Variants in CFAP184 observed in about 807,000 individuals in gnomAD.
CFAP184 encodes the protein cilia and flagella associated protein 184.
the CFAP184 span, chr4:7,042,038 C>A: frequency 2.4e-5 from 38 of 1,611,456 alleles, no homozygotes; most frequent in Non-Finnish European, 3.1e-5. Context: ...CACTGCAGGT[C>A]GTCTGCCTGC....
At chr4:7,041,477 G>GC in the CFAP184 span, 3 of 1,614,210 alleles carry the variant, frequency 1.9e-6, no homozygotes, top group Non-Finnish European at 2.5e-6. Flanking sequence ...TCCGTCCGCA[G>GC]CCCCTCTCGG....
chr4:7,041,888 G>T, the CFAP184 span: 1 of 1,610,982 alleles, frequency 6.2e-7, no homozygotes, highest in Non-Finnish European at 8.5e-7. Flanking sequence ...GCAGCCTGGC[G>T]CCCGCCCCTC....
At chr4:7,042,818 C>T in the CFAP184 span, 5 of 1,567,458 alleles carry the variant, frequency 3.2e-6, no homozygotes, top group South Asian at 2.3e-5. Flanking sequence ...TCCAGCTCCC[C>T]GGGTTCGGGA....
chr4:7,042,678 C>G, the CFAP184 span: 1 of 1,508,258 alleles, frequency 6.6e-7, no homozygotes, highest in Non-Finnish European at 8.8e-7. Flanking sequence ...CCGGCCTCCC[C>G]GGCTCTCCAG....
chr4:7,042,644 C>T, the CFAP184 span: 5 of 1,492,588 alleles, frequency 3.3e-6, no homozygotes, highest in South Asian at 3.9e-5. Context: ...TCGGCCGGCT[C>T]TTCGGGCTCG....
the CFAP184 span, chr4:7,042,122 C>A: frequency 1.2e-6 from 2 of 1,606,654 alleles, no homozygotes; most frequent in East Asian, 2.2e-5. Context: ...TCGGCCTCTG[C>A]GCCCCGGTCA....
the CFAP184 span, chr4:7,042,964 G>C: frequency 1.4e-6 from 2 of 1,401,066 alleles, no homozygotes; most frequent in East Asian, 2.7e-5. Context: ...CCAGCGCAGC[G>C]GACCCCGGCA....
At chr4:7,042,218 G>T in the CFAP184 span, 1,002 of 1,597,364 alleles carry the variant, frequency 6.3e-4, 17 homozygotes, top group Admixed American at 0.016. Flanking sequence ...CGCTGGGAGC[G>T]GTTCCGCTCC....
the CFAP184 span, chr4:7,041,448 C>T: frequency 1.2e-6 from 2 of 1,614,244 alleles, no homozygotes; most frequent in Non-Finnish European, 1.7e-6. Context: ...GGCCGCACTT[C>T]TGATTCAGTC....
At chr4:7,042,533 TC>T in the CFAP184 span, 4 of 1,597,948 alleles carry the variant, frequency 2.5e-6, no homozygotes, top group Non-Finnish European at 3.4e-6. Flanking sequence ...CTGACTTCCT[TC>T]CCCTCTGCCG....
At chr4:7,042,706 G>C in the CFAP184 span, 2 of 1,512,160 alleles carry the variant, frequency 1.3e-6, no homozygotes, top group Non-Finnish European at 1.8e-6. Flanking sequence ...CTCGCCCGCA[G>C]CCTCGGCTGC....
chr4:7,042,464 C>T, the CFAP184 span: 2 of 1,611,002 alleles, frequency 1.2e-6, no homozygotes, highest in Non-Finnish European at 1.7e-6. Context: ...GTCTCGGCCT[C>T]CGGGGCTGCA....
the CFAP184 span, chr4:7,041,307 C>T: frequency 1.9e-6 from 3 of 1,608,802 alleles, no homozygotes; most frequent in South Asian, 2.2e-5. Context: ...CCCTGATCTT[C>T]TGCCTCACGC....
At chr4:7,042,814 TC>T in the CFAP184 span, 3 of 1,565,276 alleles carry the variant, frequency 1.9e-6, no homozygotes, top group South Asian at 1.2e-5. Context: ...CGACTCCAGC[TC>T]CCCGGGTTCG....
the CFAP184 span, chr4:7,042,843 A>G: frequency 6.3e-7 from 1 of 1,577,122 alleles, no homozygotes; most frequent in East Asian, 2.3e-5. Flanking sequence ...TCGGAGGGCC[A>G]GAGCTGGCCT....
At chr4:7,041,408 A>G in the CFAP184 span, 1 of 1,614,222 alleles carries the variant, frequency 6.2e-7, no homozygotes, top group Non-Finnish European at 8.5e-7. Context: ...TTTTCTTCCA[A>G]GTCCCGAAGA....
the CFAP184 span, chr4:7,042,650 G>A: frequency 2.0e-6 from 3 of 1,497,762 alleles, no homozygotes; most frequent in South Asian, 2.6e-5. Flanking sequence ...GGCTCTTCGG[G>A]CTCGGGCTGG....
chr4:7,042,035 G>A, the CFAP184 span: 1 of 1,611,656 alleles, frequency 6.2e-7, no homozygotes, highest in Admixed American at 1.7e-5. Flanking sequence ...TACCACTGCA[G>A]GTCGTCTGCC....
chr4:7,042,593 C>G, the CFAP184 span: 3 of 1,534,430 alleles, frequency 2.0e-6, no homozygotes, highest in East Asian at 2.3e-5. Flanking sequence ...TCCTCGGGCC[C>G]GGCTCCGGGC....
Sources: allele counts gnomAD v4.1 joint callset, GRCh38; gene constraint gnomAD v4.1.1; transcripts MANE v1.5; gene names NCBI Gene and HGNC (gene_info 2026-07-23, HGNC 2026-07-21).